The following NCOR2 variants were observed in gnomAD, a reference collection of about 807,000 sequenced individuals.
The protein encoded by NCOR2 is nuclear receptor corepressor 2, also known as CTG repeat protein 26.
In NCOR2, 81 loss-of-function variants were observed where a neutral mutation model predicts 262.9. The ratio of observed to expected loss-of-function variants is 0.31; its 90% CI spans 0.26 to 0.37. The LOEUF (loss-of-function observed/expected upper bound fraction) is 0.37, where lower values mean the gene tolerates loss of function less well. Ranked by LOEUF, NCOR2 falls within the 10% of genes least tolerant of loss-of-function variation. The pLI is 1.00. For missense variants in NCOR2, 3,385 were observed against 3,621.4 expected (o/e 0.93, Z 1.68); for synonymous variants, 1,659 against 1,559.3 (o/e 1.06, Z -1.51).
rs2136557026 is a variant in NCOR2 at position 124,457,187 on chromosome 12, G to A, written c.706-25C>T. 6.5e-7 allele frequency: 1 copy of A among 1,537,000 alleles called. No individual in the cohort carries two copies. The highest frequency in any genetic ancestry group is 8.7e-7 in the Non-Finnish European group (1 of 1,152,846). On this transcript the variant is annotated intron_variant, in intron 5 of 46. Transcript: ENST00000405201. The surrounding 1 kb of genome is among the most constrained non-coding windows in gnomAD (Gnocchi z 4.0). Reference sequence around the variant, plus strand: ...TCTGCAGGGTGATGGCGAAGAGGAGGAATTTTTTTAAAAAACAAAAAAACA... The same window carrying A: ...TCTGCAGGGTGATGGCGAAGAGGAGAAATTTTTTTAAAAAACAAAAAAACA...
intron 8 of NCOR2, among the ~76,000 whole-genome samples, chr12:124,437,622 A>G (rs2044426255): frequency 6.6e-6 from 1 of 152,094 alleles, no homozygotes; most frequent in South Asian, 2.1e-4. Flanking sequence ...TTCTGCCTGA[A>G]AAGCCCAGGA....
chr12:124,486,447 T>C, exon 2 of NCOR2: 9 of 1,612,644 alleles, frequency 5.6e-6, no homozygotes, highest in Non-Finnish European at 6.8e-6. Flanking sequence ...TCACCGTTCA[T>C]TCCCGGGCTG....
At chr12:124,346,630 C>T in exon 31 of NCOR2, 1 of 1,594,952 alleles carries the variant, frequency 6.3e-7, no homozygotes, top group Non-Finnish European at 8.5e-7. Context: ...GCCGCAGCTC[C>T]TCGCGCGGGA....
chr12:124,396,616 A>G (rs540215847), intron 16 of NCOR2, among the ~76,000 whole-genome samples: 3 of 152,258 alleles, frequency 2.0e-5, no homozygotes, highest in South Asian at 4.1e-4. Flanking sequence ...AGCGGCAGGC[A>G]GGCCCTCCTT....
At position 124,438,554 on chromosome 12, in the gene NCOR2, CCG is replaced by C. The variant is rs572143614; in HGVS notation, c.816-560_816-559del. Among the ~76,000 whole-genome samples the C allele has an allele frequency of 5.0e-3, 758 of 151,788 alleles. 8 individuals carry two copies. The highest frequency in any genetic ancestry group is 0.018 in the African/African-American group (729 of 41,208). Reference sequence around the variant, plus strand: ...ACCAGGCATGGACTTCAGGAAACCCCCGGGCGGGGGCGGTCTCAGACTTCAGG... The same window carrying C: ...ACCAGGCATGGACTTCAGGAAACCCCGGCGGGGGCGGTCTCAGACTTCAGG... On this transcript the variant is annotated intron_variant, in intron 7 of 46. Coordinates refer to ENST00000405201, the Ensembl canonical transcript of NCOR2.
chr12:124,370,514 G>C (rs2039412035), intron 20 of NCOR2, among the ~76,000 whole-genome samples: 1 of 152,184 alleles, frequency 6.6e-6, no homozygotes, highest in South Asian at 2.1e-4. Context: ...CAAGGGACTT[G>C]GGAGGGGAGA....
intron 6 of NCOR2, among the ~76,000 whole-genome samples, chr12:124,455,327 G>A (rs561153743): frequency 6.6e-6 from 1 of 152,344 alleles, no homozygotes; most frequent in Non-Finnish European, 1.5e-5. Context: ...CACTTCCACT[G>A]AGAGAAGCAC....
At chr12:124,455,797 G>A (rs1487322870) in intron 6 of NCOR2, among the ~76,000 whole-genome samples, 1 of 152,236 alleles carries the variant, frequency 6.6e-6, no homozygotes, top group African/African-American at 2.4e-5. Flanking sequence ...GGTACTGGGA[G>A]GTCAGCCCCT....
exon 31 of NCOR2, chr12:124,346,612 G>C (rs745518557): frequency 6.3e-7 from 1 of 1,590,456 alleles, no homozygotes; most frequent in African/African-American, 1.3e-5. Context: ...GGGGCAGCTC[G>C]GGCGTGTGCC....
intron 1 of NCOR2, among the ~76,000 whole-genome samples, chr12:124,562,471 C>G (rs1010426582): frequency 6.6e-6 from 1 of 152,162 alleles, no homozygotes; most frequent in Non-Finnish European, 1.5e-5. Context: ...TTTCAGAGAC[C>G]AGGAGCAGAG....
intron 41 of NCOR2, among the ~76,000 whole-genome samples, chr12:124,333,493 T>C (rs2035416675): frequency 6.6e-6 from 1 of 152,192 alleles, no homozygotes; most frequent in Non-Finnish European, 1.5e-5. Flanking sequence ...AAAATCATTT[T>C]TTTAGTTCAT....
rs1328359073 is a variant in NCOR2, at chr12:124,565,779, G to A, written c.-165+1529C>T. On this transcript the variant is annotated intron_variant, in intron 1 of 32. Coordinates refer to the NCOR2 transcript ENST00000458234. ...ATTTTGCAGATGGGAAACCTGACAG[G>A]CACAGAGAAGTTAAGCATCTGTCCA... is the stretch of plus-strand genomic sequence containing the variant. Among the ~76,000 whole-genome samples the A allele has an allele frequency of 3.3e-5, 5 of 152,174 alleles. No individual in the cohort carries two copies. The East Asian group carries it at 5.8e-4, about 18-fold the overall frequency.
In NCOR2 at chr12:124,389,452, C is replaced by T. The variant is rs2041103445; in HGVS notation, c.1877-3565G>A. On this transcript the variant is annotated intron_variant, in intron 16 of 46. Transcript: ENST00000405201. This position sits in a 1 kb window ranked among gnomAD's most constrained non-coding sequence, Gnocchi z 4.4. ...CCCCTCCCTCTCTCCCCATCCGCGGCGGTGGCGGCGTCAGCAGTGGTAAGA... is the reference window on the plus strand; with the variant it reads ...CCCCTCCCTCTCTCCCCATCCGCGGTGGTGGCGGCGTCAGCAGTGGTAAGA... Among the ~76,000 whole-genome samples the T allele has an allele frequency of 6.6e-6, 1 of 152,152 alleles. No homozygotes were observed. The highest frequency in any genetic ancestry group is 2.1e-4 in the South Asian group (1 of 4,828).
At chr12:124,333,935 CATGT>C (rs1357198725) in intron 41 of NCOR2, among the ~76,000 whole-genome samples, 2 of 135,856 alleles carry the variant, frequency 1.5e-5, no homozygotes, top group African/African-American at 5.9e-5. Flanking sequence ...TGTGCGCGCG[CATGT>C]GTGTGGGTGT....
At chr12:124,492,035 C>T (rs2048110250) in intron 1 of NCOR2, among the ~76,000 whole-genome samples, 1 of 152,238 alleles carries the variant, frequency 6.6e-6, no homozygotes. Context: ...AAGCACCCAA[C>T]TAAGTGAAGC....
At chr12:124,512,919 T>C (rs1317161623) in intron 1 of NCOR2, among the ~76,000 whole-genome samples, 16 of 152,272 alleles carry the variant, frequency 1.1e-4, no homozygotes, top group Admixed American at 1.0e-3. Context: ...TTGAAGCAGC[T>C]CATCGAGGGG....
At chr12:124,345,158 G>A (rs1161299679) in intron 31 of NCOR2, among the ~76,000 whole-genome samples, 1 of 152,136 alleles carries the variant, frequency 6.6e-6, no homozygotes, top group Non-Finnish European at 1.5e-5. Context: ...CCTGACCCTG[G>A]TCCCCACGCT....
In NCOR2 at chr12:124,326,085, C is replaced by T. The variant is rs905349404; in HGVS notation, c.7363+106G>A. 7.1e-6 allele frequency: 9 copies of T among 1,268,218 alleles called. No homozygotes were observed. The Admixed American group carries it at 2.7e-4, about 38-fold the overall frequency. 78.6% of individuals were successfully genotyped at this position (1,268,218 alleles called of 1,614,324 possible). On this transcript the variant is annotated intron_variant, in intron 46 of 46. Coordinates refer to ENST00000405201, the Ensembl canonical transcript of NCOR2. ...GCGTTTCCACAGAACAGGCCCGAGT[C>T]TGAGCTCTGCATGCAGCAGGCGCTC...
rs562472811 is a variant in NCOR2, at chr12:124,456,773, C to A, written c.762+333G>T. On this transcript the variant is annotated intron_variant, in intron 6 of 46. Coordinates refer to ENST00000405201, the Ensembl canonical transcript of NCOR2. ...TGACCCAGAGAACCGGCTCTCCGCG[C>A]TCAGCTGGAGCAAGCGCACCGGCCT... 5.3e-5 allele frequency among the ~76,000 whole-genome samples: 8 copies of A among 152,316 alleles called. No individual in the cohort carries two copies. The East Asian group carries it at 1.5e-3, about 29-fold the overall frequency.
Sources: gnomAD v4.1 joint callset for allele counts (sites outside exome capture counted in the v4.1 genomes callset) on GRCh38, gnomAD v4.1.1 for gene constraint, Gnocchi (gnomAD v3.1) non-coding constraint, MANE v1.5 for transcripts, NCBI Gene and HGNC (gene_info 2026-07-23, HGNC 2026-07-21) for gene names.